The following PTPN2 variants were observed in gnomAD, a reference collection of about 807,000 sequenced individuals.
PTPN2 encodes the protein protein tyrosine phosphatase non-receptor type 2.
A neutral mutation model predicts 57.3 loss-of-function variants in PTPN2; 19 were observed. The observed-to-expected ratio is 0.33, with a 90% CI of 0.23 to 0.49. The LOEUF is 0.49. Among genes scored for constraint, PTPN2 ranks in the 20% least tolerant of loss-of-function variants. The probability of loss-of-function intolerance (pLI) is 0.99; values close to 1 mark genes in which losing one functional copy is unlikely to be tolerated. For missense variants in PTPN2, 358 were observed against 501.1 expected (o/e 0.71, Z 2.73); for synonymous variants, 153 against 164.9 (o/e 0.93, Z 0.55).
intron 2 of PTPN2, chr18:12,840,924 T>A: frequency 6.6e-7 from 1 of 1,524,448 alleles, no homozygotes; most frequent in Non-Finnish European, 8.8e-7. Context: ...TCTGATGGAA[T>A]GCCTCCATGA....
chr18:12,859,280 ATATCCCTCT>A, intron 1 of PTPN2, 26 bp from the exon 2 acceptor site: 2 of 1,484,860 alleles, frequency 1.3e-6, no homozygotes, highest in Admixed American at 3.5e-5. Context: ...ATATATTTTA[ATATCCCTCT>A]TAAATTCTCC....
intron 3 of PTPN2, among the ~76,000 whole-genome samples, chr18:12,831,447 G>A (rs1178499747): frequency 6.6e-6 from 1 of 152,160 alleles, no homozygotes; most frequent in African/African-American, 2.4e-5. Context: ...CCATATGAAG[G>A]TGGCTATAGT....
At chr18:12,791,799 A>AAAGC (rs1451081439), downstream of PTPN2, among the ~76,000 whole-genome samples, 16 of 152,304 alleles carry the variant, frequency 1.1e-4, no homozygotes, top group Admixed American at 9.8e-4. Flanking sequence ...TACAGAAAGC[A>AAAGC]AAGCGTAAGC....
At chr18:12,795,919 C>T (rs889472587) in intron 8 of PTPN2, among the ~76,000 whole-genome samples, 14 of 150,820 alleles carry the variant, frequency 9.3e-5, no homozygotes, top group Middle Eastern at 6.8e-3. Flanking sequence ...CCCCTGGACA[C>T]GTAGCTTGAT....
chr18:12,862,936 A>T (rs749996845), intron 1 of PTPN2, among the ~76,000 whole-genome samples: 7 of 151,988 alleles, frequency 4.6e-5, no homozygotes, highest in Non-Finnish European at 7.4e-5. Flanking sequence ...AGCAAAACCA[A>T]ATCTCAACAG....
intron 7 of PTPN2, among the ~76,000 whole-genome samples, chr18:12,808,181 T>A (rs1282379152): frequency 6.6e-6 from 1 of 151,980 alleles, no homozygotes; most frequent in African/African-American, 2.4e-5. Context: ...AATGAGACCC[T>A]ATCTCGAAAA....
At chr18:12,807,569 A>G (rs1017502475) in intron 7 of PTPN2, among the ~76,000 whole-genome samples, 588 of 25,752 alleles carry the variant, frequency 0.023, 6 homozygotes, top group African/African-American at 0.045. Flanking sequence ...GAAAATGTGG[A>G]AAAAAAAAAA....
intron 1 of PTPN2, among the ~76,000 whole-genome samples, chr18:12,869,842 C>T (rs2044126289): frequency 6.6e-6 from 1 of 152,016 alleles, no homozygotes; most frequent in Non-Finnish European, 1.5e-5. Flanking sequence ...AAAAGTGTTC[C>T]CTTTGTTAGT....
At chr18:12,849,425 G>A (rs1188957249) in intron 2 of PTPN2, among the ~76,000 whole-genome samples, 6 of 152,298 alleles carry the variant, frequency 3.9e-5, no homozygotes, top group Non-Finnish European at 5.9e-5. Flanking sequence ...CAGACATGGC[G>A]GCTAACGCCT....
chr18:12,852,933 T>G (rs2043447903), intron 2 of PTPN2, among the ~76,000 whole-genome samples: 1 of 152,224 alleles, frequency 6.6e-6, no homozygotes, highest in Non-Finnish European at 1.5e-5. Flanking sequence ...CTACCATTCT[T>G]TTTCTTAAAA....
chr18:12,801,338 C>A (rs2847299), intron 8 of PTPN2, among the ~76,000 whole-genome samples: 32,718 of 151,868 alleles, frequency 0.22, 4,145 homozygotes, highest in Admixed American at 0.31. Context: ...CATGGTGAAA[C>A]CCTCTCTCTA....
At chr18:12,818,621 A>G (rs1481667390) in intron 5 of PTPN2, among the ~76,000 whole-genome samples, 2 of 151,154 alleles carry the variant, frequency 1.3e-5, no homozygotes, top group East Asian at 1.9e-4. Flanking sequence ...TCTTCCACTA[A>G]TATGTCTTTG....
downstream of PTPN2, among the ~76,000 whole-genome samples, chr18:12,790,106 CTT>C (rs1247411310): frequency 6.7e-6 from 1 of 148,816 alleles, no homozygotes; most frequent in Non-Finnish European, 1.5e-5. Flanking sequence ...CTAAATTTTT[CTT>C]TTTTTTTTAA....
chr18:12,808,487 A>T (rs1179542076), intron 7 of PTPN2, among the ~76,000 whole-genome samples: 1 of 152,236 alleles, frequency 6.6e-6, no homozygotes, highest in African/African-American at 2.4e-5. Flanking sequence ...AGTGTCAATT[A>T]AAAACAAAGG....
In PTPN2 at chr18:12,785,482, ATT is replaced by A. The variant is rs2040826243; in HGVS notation, c.*339_*340del. The A allele has an allele frequency of 4.6e-5, 16 of 349,688 alleles. No homozygotes were observed. The South Asian group carries it at 4.6e-4, about 10-fold the overall frequency. 21.7% of individuals were successfully genotyped at this position (349,688 alleles called of 1,614,324 possible). A position where few individuals can be genotyped will look rare whatever the true frequency, so the allele number is the denominator to read the frequency against. On this transcript the variant is annotated 3_prime_UTR_variant, in exon 10 of 10. Coordinates refer to the PTPN2 transcript ENST00000327283. The stretch of plus-strand genomic sequence containing the variant: ...AATGCACACAAACCAACAAAAGACT[ATT>A]TAACAAAAATATTTAATGCTGCCAA...
chr18:12,813,286 A>G (rs1404891523), intron 7 of PTPN2, among the ~76,000 whole-genome samples: 1 of 152,244 alleles, frequency 6.6e-6, no homozygotes, highest in African/African-American at 2.4e-5. Flanking sequence ...GATCACTGCC[A>G]AAGTGACCCT....
chr18:12,816,973 C>T (rs1470967020), intron 6 of PTPN2, among the ~76,000 whole-genome samples, 183 bp downstream of exon 6: 5 of 152,008 alleles, frequency 3.3e-5, no homozygotes, highest in African/African-American at 1.2e-4. Context: ...TACATTCCTA[C>T]CAGTCATGAA....
At chr18:12,814,027 G>A (rs1323730779) in intron 7 of PTPN2, among the ~76,000 whole-genome samples, 176 bp downstream of exon 7, 1 of 152,200 alleles carries the variant, frequency 6.6e-6, no homozygotes, top group Non-Finnish European at 1.5e-5. Flanking sequence ...ACCTGAGGCT[G>A]AGTATATATG....
At chr18:12,854,363 A>AAAG in intron 2 of PTPN2, among the ~76,000 whole-genome samples, 1 of 142,162 alleles carries the variant, frequency 7.0e-6, no homozygotes, top group East Asian at 1.9e-4. Flanking sequence ...CTGTCTTGAA[A>AAAG]AAAAAAAAAA....
Sources: gnomAD v4.1 joint callset for allele counts (sites outside exome capture counted in the v4.1 genomes callset) on GRCh38, gnomAD v4.1.1 for gene constraint, MANE v1.5 for transcripts, NCBI Gene and HGNC (gene_info 2026-07-23, HGNC 2026-07-21) for gene names.